The following CTNNA1 variants were observed in gnomAD, a reference collection of about 807,000 sequenced individuals.
The protein encoded by CTNNA1 is catenin alpha-1.
CTNNA1 carries 37 observed loss-of-function variants against 98.4 expected under a neutral mutation model. That is an observed-to-expected ratio of 0.38 (90% CI 0.29 to 0.49). The LOEUF is 0.49. Among genes scored for constraint, CTNNA1 ranks in the 20% least tolerant of loss-of-function variants. The probability of loss-of-function intolerance (pLI) is 0.95; values close to 1 mark genes in which losing one functional copy is unlikely to be tolerated. For missense variants in CTNNA1, 761 were observed against 1,147.2 expected (o/e 0.66, Z 4.86); for synonymous variants, 404 against 413.2 (o/e 0.98, Z 0.27).
chr5:138,825,485 T>TTTTTTTTTTTTTG (rs769489350), intron 6 of CTNNA1, among the ~76,000 whole-genome samples: 4,732 of 107,766 alleles, frequency 0.044, 418 homozygotes, highest in Non-Finnish European at 0.067. Flanking sequence ...AGTATAAGTT[T>TTTTTTTTTTTTTG]TTTTTTTTTT....
At chr5:138,851,829 G>A (rs1763211786) in intron 7 of CTNNA1, among the ~76,000 whole-genome samples, 1 of 152,040 alleles carries the variant, frequency 6.6e-6, no homozygotes, top group East Asian at 1.9e-4. Flanking sequence ...GCCGAGGCAG[G>A]CGGATCACCT....
chr5:138,904,198 C>T, intron 9 of CTNNA1, 151 bp from the exon 10 acceptor site: 1 of 920,900 alleles, frequency 1.1e-6, no homozygotes. Flanking sequence ...AATGTGTCCT[C>T]ATCTAAGTAA....
intron 7 of CTNNA1, among the ~76,000 whole-genome samples, chr5:138,877,624 T>C (rs889387956): frequency 1.3e-5 from 2 of 151,900 alleles, no homozygotes; most frequent in African/African-American, 4.8e-5. Flanking sequence ...ATTTTTTGTA[T>C]TTTTAGTAGA....
intron 1 of CTNNA1, among the ~76,000 whole-genome samples, chr5:138,774,560 C>A (rs1033495474): frequency 1.3e-5 from 2 of 152,044 alleles, no homozygotes; most frequent in African/African-American, 4.8e-5. Flanking sequence ...CTGTCCCCAG[C>A]CTGGAGAGGC....
At chr5:138,862,418 T>C (rs1450369039) in intron 7 of CTNNA1, among the ~76,000 whole-genome samples, 1 of 152,234 alleles carries the variant, frequency 6.6e-6, no homozygotes, top group Non-Finnish European at 1.5e-5. Context: ...TCCTAAAATA[T>C]AATTGTCCAA....
chr5:138,872,700 T>C (rs776084879), intron 7 of CTNNA1: 1 of 204,614 alleles, frequency 4.9e-6, no homozygotes, highest in Non-Finnish European at 9.8e-6. Flanking sequence ...TAGAAAAAAA[T>C]AGTATATGGA....
chr5:138,856,269 A>T (rs1467756562), intron 7 of CTNNA1, among the ~76,000 whole-genome samples: 1 of 152,074 alleles, frequency 6.6e-6, no homozygotes, highest in African/African-American at 2.4e-5. Flanking sequence ...ATAATAAGAT[A>T]CTCTTTTGTA....
chr5:138,820,909 C>T (rs1759975652), intron 5 of CTNNA1, among the ~76,000 whole-genome samples: 1 of 152,180 alleles, frequency 6.6e-6, no homozygotes, highest in Non-Finnish European at 1.5e-5. Flanking sequence ...TGCAAGGTCA[C>T]TCATCTAACA....
chr5:138,761,483 C>T (rs1040392513), intron 1 of CTNNA1, among the ~76,000 whole-genome samples: 63 of 152,044 alleles, frequency 4.1e-4, no homozygotes, highest in Non-Finnish European at 1.5e-4. Flanking sequence ...ATGATCCGTC[C>T]GCCTCCTAAA....
chr5:138,786,290 T>C (rs1306966557), intron 3 of CTNNA1, among the ~76,000 whole-genome samples: 2 of 152,252 alleles, frequency 1.3e-5, no homozygotes, highest in African/African-American at 4.8e-5. Flanking sequence ...CTTACTTTTT[T>C]CTTTGGAGAA....
chr5:138,812,052 G>A (rs1035731138), intron 4 of CTNNA1, 131 bp from the exon 5 acceptor site: 37 of 711,372 alleles, frequency 5.2e-5, no homozygotes, highest in Non-Finnish European at 3.3e-5. Flanking sequence ...AAGACCATGC[G>A]CAAACTCGAG....
At chr5:138,815,738 T>C (rs1239476520) in intron 5 of CTNNA1, among the ~76,000 whole-genome samples, 1 of 152,048 alleles carries the variant, frequency 6.6e-6, no homozygotes, top group Non-Finnish European at 1.5e-5. Flanking sequence ...TTCTTGGGTT[T>C]ATAGTAAGTC....
intron 10 of CTNNA1, among the ~76,000 whole-genome samples, chr5:138,913,604 G>C (rs1474504120): frequency 6.6e-6 from 1 of 151,088 alleles, no homozygotes; most frequent in East Asian, 1.9e-4. Context: ...AAAAAATTCA[G>C]TTGATGTACT....
At chr5:138,926,416 C>T (rs542169826) in intron 13 of CTNNA1, among the ~76,000 whole-genome samples, 12 of 152,378 alleles carry the variant, frequency 7.9e-5, no homozygotes, top group Non-Finnish European at 1.2e-4. Flanking sequence ...CTGATGGAGC[C>T]GCAGAAGCCG....
chr5:138,764,242 T>C (rs865955933), intron 1 of CTNNA1, among the ~76,000 whole-genome samples: 2 of 151,876 alleles, frequency 1.3e-5, no homozygotes, highest in Non-Finnish European at 2.9e-5. Context: ...GGCACATGCC[T>C]GTAATCCCAG....
intron 10 of CTNNA1, among the ~76,000 whole-genome samples, chr5:138,910,236 T>C (rs1430697638): frequency 7.0e-5 from 10 of 143,458 alleles, no homozygotes; most frequent in African/African-American, 1.5e-4. Context: ...CTTTTTTTTT[T>C]TTTTTTTTTT....
At chr5:138,756,797 C>G (rs956139675) in intron 1 of CTNNA1, among the ~76,000 whole-genome samples, 1 of 152,022 alleles carries the variant, frequency 6.6e-6, no homozygotes, top group Non-Finnish European at 1.5e-5. Flanking sequence ...TTGGAGAAGG[C>G]TTGTGTTTGT....
chr5:138,892,443 G>A (rs376280032), intron 9 of CTNNA1, among the ~76,000 whole-genome samples: 2 of 142,076 alleles, frequency 1.4e-5, no homozygotes, highest in Admixed American at 7.4e-5. Flanking sequence ...AGTTTCAAGC[G>A]ATTCTCTGCC....
intron 1 of CTNNA1, among the ~76,000 whole-genome samples, chr5:138,770,078 G>A (rs1309086884): frequency 1.3e-5 from 2 of 152,078 alleles, no homozygotes; most frequent in Admixed American, 6.5e-5. Context: ...CAAGTGATCC[G>A]CCTGCCTTGG....
Sources: gnomAD v4.1 joint callset for allele counts (sites outside exome capture counted in the v4.1 genomes callset) on GRCh38, gnomAD v4.1.1 for gene constraint, MANE v1.5 for transcripts, NCBI Gene and HGNC (gene_info 2026-07-23, HGNC 2026-07-21) for gene names.